PBX3: variants seen among roughly 807,000 people sequenced by gnomAD.
The protein encoded by PBX3 is PBX homeobox 3.
Under a neutral mutation model 48.5 loss-of-function variants are expected in PBX3, and 14 were observed. That is an observed-to-expected ratio of 0.29 (90% CI 0.19 to 0.45). The LOEUF is 0.45. PBX3 is among the 20% of genes least tolerant of loss of function. The pLI is 1.00. For synonymous variants in PBX3, 210 were observed against 200.3 expected, an observed-to-expected ratio of 1.05 and a Z score of -0.41; for missense variants, 386 against 546.7, an observed-to-expected ratio of 0.71 and a Z score of 2.93.
chr9:125,902,815 C>T (rs1300209110), intron 2 of PBX3, among the ~76,000 whole-genome samples: 1 of 151,712 alleles, frequency 6.6e-6, no homozygotes, highest in Non-Finnish European at 1.5e-5. Context: ...ACCCTTCAGG[C>T]TTGTTCTATG....
chr9:125,905,373 G>A (rs1841046320), intron 2 of PBX3, among the ~76,000 whole-genome samples: 1 of 151,844 alleles, frequency 6.6e-6, no homozygotes, highest in African/African-American at 2.4e-5. Flanking sequence ...GTTCTAATGA[G>A]GAATACTGCA....
chr9:125,750,255 T>C (rs1388354328), intron 2 of PBX3, among the ~76,000 whole-genome samples: 2 of 152,226 alleles, frequency 1.3e-5, no homozygotes, highest in East Asian at 1.9e-4. Flanking sequence ...TACAGCCTTA[T>C]ATTACTAGGG....
intron 2 of PBX3, among the ~76,000 whole-genome samples, chr9:125,805,340 G>A (rs1261710722): frequency 6.6e-6 from 1 of 152,180 alleles, no homozygotes; most frequent in Non-Finnish European, 1.5e-5. Context: ...AGATGAATAG[G>A]AGCCATGTGA....
At chr9:125,773,125 ATAGT>A (rs2132007132) in intron 2 of PBX3, among the ~76,000 whole-genome samples, 1 of 152,296 alleles carries the variant, frequency 6.6e-6, no homozygotes, top group East Asian at 1.9e-4. Context: ...GATTTTTTAT[ATAGT>A]TCACTTTGGA....
intron 5 of PBX3, among the ~76,000 whole-genome samples, chr9:125,954,698 G>A (rs975403474): frequency 6.6e-6 from 1 of 152,092 alleles, no homozygotes; most frequent in Non-Finnish European, 1.5e-5. Context: ...ACCACGCCCG[G>A]CTAATTTTTT....
Position 125,777,299 on chromosome 9 carries a change from C to T in PBX3, c.274+28676C>T, listed in dbSNP as rs181556324. 4.1e-3 allele frequency among the ~76,000 whole-genome samples: 619 copies of T among 151,886 alleles called. 9 individuals are homozygous for T. Among genetic ancestry groups the T allele is most frequent in the African/African-American group, 0.014 (575 of 41,416 alleles). On this transcript the variant is annotated intron_variant, in intron 2 of 8. Coordinates refer to ENST00000373489, the MANE Select transcript of PBX3 (RefSeq NM_006195.6). ...ACGTGCTAGGATTACAAGTGTGAGCCGCTGCTCCCAGCCTCTTCTTTTTAA... is the reference window on the plus strand; with the variant it reads ...ACGTGCTAGGATTACAAGTGTGAGCTGCTGCTCCCAGCCTCTTCTTTTTAA...
intron 2 of PBX3, among the ~76,000 whole-genome samples, chr9:125,885,793 A>C (rs1440678886): frequency 2.0e-5 from 2 of 97,710 alleles, no homozygotes; most frequent in African/African-American, 6.8e-5. Flanking sequence ...TCTTAACTGT[A>C]GGGGATGTGT....
chr9:125,780,686 G>T (rs1837254798), intron 2 of PBX3, among the ~76,000 whole-genome samples: 2 of 134,710 alleles, frequency 1.5e-5, no homozygotes, highest in African/African-American at 2.9e-5. Context: ...TGGCCGGGCG[G>T]GGGGCTGACC....
At chr9:125,949,989 GAGGCTCTCCATA>G (rs1842158061) in intron 5 of PBX3, among the ~76,000 whole-genome samples, 2 of 141,414 alleles carry the variant, frequency 1.4e-5, no homozygotes, top group African/African-American at 6.4e-5. Context: ...ATCTGTCAAA[GAGGCTCTCCATA>G]GAGCCTAGGA....
intron 5 of PBX3, among the ~76,000 whole-genome samples, chr9:125,938,832 A>C (rs917588566): frequency 6.6e-6 from 1 of 152,228 alleles, no homozygotes; most frequent in African/African-American, 2.4e-5. Flanking sequence ...TTACTGAAAT[A>C]AATTGTAATT....
At chr9:125,823,493 A>G (rs563931791) in intron 2 of PBX3, among the ~76,000 whole-genome samples, 2 of 152,122 alleles carry the variant, frequency 1.3e-5, no homozygotes, top group African/African-American at 4.8e-5. Context: ...AATTTAACAT[A>G]TATAATGTTA....
intron 2 of PBX3, among the ~76,000 whole-genome samples, chr9:125,799,072 A>T (rs1158921438): frequency 2.0e-5 from 3 of 152,188 alleles, no homozygotes; most frequent in Non-Finnish European, 4.4e-5. Flanking sequence ...GTTGTTTAGT[A>T]ATCATAAAAC....
chr9:125,747,940 A>G (rs1836244743), intron 1 of PBX3, among the ~76,000 whole-genome samples: 1 of 150,942 alleles, frequency 6.6e-6, no homozygotes, highest in Non-Finnish European at 1.5e-5. Flanking sequence ...CCTCCCAGGG[A>G]TTTAAACCTC....
At chr9:125,953,426 G>A (rs376658234) in intron 5 of PBX3, among the ~76,000 whole-genome samples, 19 of 151,716 alleles carry the variant, frequency 1.3e-4, no homozygotes, top group African/African-American at 3.6e-4. Context: ...GTGGTGAGCC[G>A]TGATTGTGCC....
intron 2 of PBX3, among the ~76,000 whole-genome samples, chr9:125,846,342 A>T (rs1198356993): frequency 6.6e-6 from 1 of 152,114 alleles, no homozygotes; most frequent in Non-Finnish European, 1.5e-5. Flanking sequence ...CACATAAGAC[A>T]TAAAATTATG....
intron 3 of PBX3, among the ~76,000 whole-genome samples, 168 bp from the exon 4 acceptor site, chr9:125,929,487 G>T (rs1841666046): frequency 6.6e-6 from 1 of 152,176 alleles, no homozygotes; most frequent in East Asian, 1.9e-4. Context: ...AATTCTTGCT[G>T]CCTTAACTAC....
chr9:125,834,025 T>C (rs552672363), intron 2 of PBX3, among the ~76,000 whole-genome samples: 4 of 152,350 alleles, frequency 2.6e-5, no homozygotes, highest in Middle Eastern at 6.8e-3. Flanking sequence ...TAAACACTGC[T>C]TGCTTTCTCT....
intron 3 of PBX3, among the ~76,000 whole-genome samples, chr9:125,924,006 A>G (rs1208326652): frequency 2.0e-5 from 3 of 151,890 alleles, no homozygotes; most frequent in Non-Finnish European, 4.4e-5. Flanking sequence ...CTGGGACCAC[A>G]GGTGTGTGCT....
At chr9:125,748,862 G>A (rs1178577294) in intron 2 of PBX3, 1 of 345,814 alleles carries the variant, frequency 2.9e-6, no homozygotes, top group African/African-American at 2.1e-5. Flanking sequence ...GTCCCTCGGC[G>A]GCCGCCCCTG....
Sources: gnomAD v4.1 joint callset for allele counts (sites outside exome capture counted in the v4.1 genomes callset) on GRCh38, gnomAD v4.1.1 for gene constraint, MANE v1.5 for transcripts, NCBI Gene and HGNC (gene_info 2026-07-23, HGNC 2026-07-21) for gene names.